LAMA2: variants seen among roughly 807,000 people sequenced by gnomAD.
LAMA2 encodes the protein laminin subunit alpha-2.
A neutral mutation model predicts 364.8 loss-of-function variants in LAMA2; 269 were observed. The observed-to-expected ratio is 0.74, with a 90% CI of 0.67 to 0.82. LAMA2 has a LOEUF of 0.82. Among genes scored for constraint, LAMA2 ranks in the 40% least tolerant of loss-of-function variants. The pLI is 0.00. For missense variants in LAMA2, 3,807 were observed against 3,873.2 expected (o/e 0.98, Z 0.45); for synonymous variants, 1,379 against 1,370.6 (o/e 1.01, Z -0.14).
chr6:129,256,341 G>A (rs752322528), intron 14 of LAMA2, among the ~76,000 whole-genome samples: 1 of 152,094 alleles, frequency 6.6e-6, no homozygotes, highest in African/African-American at 2.4e-5. Flanking sequence ...TAAATGAAAT[G>A]TCTTTCCAGC....
In LAMA2 at chr6:129,185,065, A is replaced by G. The variant is rs548398452; in HGVS notation, c.1468-5140A>G. Among the ~76,000 whole-genome samples, 6 of 152,054 alleles carry G rather than the reference A, an allele frequency of 3.9e-5. No individual in the cohort carries two copies. The South Asian group carries it at 6.2e-4, about 16-fold the overall frequency. ...AACAGAAGAAAACCTGTAATTAACT[A>G]CAAACTACCAAAAAACCAAGCATGA... is the stretch of plus-strand genomic sequence containing the variant. On this transcript the variant is annotated intron_variant, in intron 10 of 64. Transcript: ENST00000421865.
intron 4 of LAMA2, among the ~76,000 whole-genome samples, chr6:129,110,099 C>G (rs1308267642): frequency 7.0e-6 from 1 of 142,174 alleles, no homozygotes; most frequent in African/African-American, 2.8e-5. Context: ...AATATGCTAG[C>G]ACCTTATTGC....
intron 9 of LAMA2, 101 bp from the exon 10 acceptor site, chr6:129,177,605 T>C (rs1487426850): frequency 8.5e-7 from 1 of 1,177,582 alleles, no homozygotes; most frequent in Non-Finnish European, 1.2e-6. Flanking sequence ...AATCTATTTT[T>C]GTGTCAAAAT....
chr6:129,172,736 T>G (rs544905031), intron 9 of LAMA2, among the ~76,000 whole-genome samples: 16 of 152,168 alleles, frequency 1.1e-4, no homozygotes, highest in East Asian at 1.9e-4. Flanking sequence ...GTTTACCTAA[T>G]CAAGCCTGGG....
chr6:129,037,843 G>A (rs1786769944), intron 1 of LAMA2, among the ~76,000 whole-genome samples: 1 of 151,864 alleles, frequency 6.6e-6, no homozygotes, highest in Non-Finnish European at 1.5e-5. Flanking sequence ...CTAATTTTTT[G>A]TATTTTTAGT....
chr6:129,480,774 G>GTCT (rs1369044803), intron 54 of LAMA2, among the ~76,000 whole-genome samples: 1 of 152,072 alleles, frequency 6.6e-6, no homozygotes, highest in East Asian at 1.9e-4. Context: ...TTAAGGTTTG[G>GTCT]TCTTATCACT....
In LAMA2 at chr6:129,157,791, C is replaced by G. The variant is rs1779205202; in HGVS notation, c.1206+3108C>G. The stretch of plus-strand genomic sequence containing the variant: ...GTCTTCCACGATCCCTCCTGTGATA[C>G]AACGACGAGCCATCTCCCAAATGAT... On this transcript the variant is annotated intron_variant, in intron 8 of 64. Transcript: ENST00000421865. 13 of 1,613,332 alleles carry G rather than the reference C, an allele frequency of 8.1e-6. No individual in the cohort carries two copies. In the Admixed American group the frequency reaches 2.2e-4, roughly 27 times the overall value.
intron 1 of LAMA2, among the ~76,000 whole-genome samples, chr6:129,033,372 C>T (rs779133786): frequency 4.6e-5 from 7 of 152,036 alleles, no homozygotes; most frequent in Non-Finnish European, 1.0e-4. Context: ...TCCTTAAGGA[C>T]CAGGGAGGGC....
chr6:129,392,358 G>T (rs1291249402), intron 36 of LAMA2, among the ~76,000 whole-genome samples: 2 of 152,116 alleles, frequency 1.3e-5, no homozygotes, highest in Admixed American at 6.5e-5. Flanking sequence ...TAAAAATACA[G>T]ATTGTCAGAC....
intron 4 of LAMA2, among the ~76,000 whole-genome samples, chr6:129,101,681 A>G (rs538544842): frequency 4.8e-4 from 73 of 152,342 alleles, no homozygotes; most frequent in African/African-American, 1.7e-3. Flanking sequence ...CAGTAGCCAC[A>G]TGGGACTAGC....
In LAMA2 at chr6:129,507,657, T is replaced by C. The variant is rs1731176525; in HGVS notation, c.8857+15T>C. The C allele has an allele frequency of 6.2e-7, 1 of 1,613,434 alleles. No individual in the cohort carries two copies. The highest frequency in any genetic ancestry group is 2.2e-5 in the East Asian group (1 of 44,886). ...TGCCAAAGCAGGTAAGGCTCTTTCA[T>C]TTCCTTCCTGTTGATTATTAACTAG... On this transcript the variant is annotated intron_variant, in intron 62 of 64. Transcript: ENST00000421865.
intron 56 of LAMA2, chr6:129,491,110 C>T (rs1321964763): frequency 1.3e-5 from 2 of 152,196 alleles, no homozygotes; most frequent in African/African-American, 2.4e-5. Flanking sequence ...TCATGATCCC[C>T]AGGCTAGTGA....
chr6:129,027,494 A>G (rs1785906469), intron 1 of LAMA2, among the ~76,000 whole-genome samples: 1 of 152,040 alleles, frequency 6.6e-6, no homozygotes, highest in African/African-American at 2.4e-5. Context: ...TGTGCTAGAC[A>G]TTCTGAAGAT....
chr6:129,091,749 T>C (rs1468635024), intron 3 of LAMA2, among the ~76,000 whole-genome samples: 1 of 152,188 alleles, frequency 6.6e-6, no homozygotes, highest in East Asian at 1.9e-4. Flanking sequence ...AATGTAAACT[T>C]ATAAGGGGAC....
At chr6:129,261,581 A>G (rs1787139251) in intron 15 of LAMA2, among the ~76,000 whole-genome samples, 1 of 152,146 alleles carries the variant, frequency 6.6e-6, no homozygotes, top group Non-Finnish European at 1.5e-5. Flanking sequence ...CTAGCAGATA[A>G]ATAGGAGCTT....
At chr6:128,978,360 T>TC (rs1782661288) in intron 1 of LAMA2, among the ~76,000 whole-genome samples, 1 of 151,662 alleles carries the variant, frequency 6.6e-6, no homozygotes, top group Admixed American at 6.6e-5. Flanking sequence ...TTTTTTTTTT[T>TC]TTTTTTTGAG....
Position 129,460,206 on chromosome 6 carries a change from G to A in LAMA2, c.6874G>A (p.Asp2292Asn). 1 of 1,612,012 alleles carries A rather than the reference G, an allele frequency of 6.2e-7. No individual in the cohort carries two copies. The highest frequency in any genetic ancestry group is 8.5e-7 in the Non-Finnish European group (1 of 1,178,538). The change falls in exon 49 of 65, where the codon GAT (aspartate) becomes AAT (asparagine). Residue 2292 changes from aspartate to asparagine, a missense_variant. Asp to Asn is a conservative substitution (Grantham distance 23). This residue lies in a region of LAMA2 where 3,333 missense variants were observed against 3,345.7 expected (regional missense o/e 1.00). Coordinates refer to ENST00000421865, the MANE Select transcript of LAMA2 (RefSeq NM_000426.4). Reference protein sequence around the residue: ...GGLTGKLKKADAVRVITFTGC... With the variant: ...GGLTGKLKKANAVRVITFTGC... ...ACGGTATTTCTTTCTGCAGAAGGCTGATGCTGTACGTGTGATTACATTCAC... is the reference window on the plus strand; with the variant it reads ...ACGGTATTTCTTTCTGCAGAAGGCTAATGCTGTACGTGTGATTACATTCAC...
intron 2 of LAMA2, among the ~76,000 whole-genome samples, chr6:129,056,237 G>A (rs951012772): frequency 2.0e-5 from 3 of 152,242 alleles, no homozygotes; most frequent in East Asian, 1.9e-4. Context: ...TTTCATTTAT[G>A]GTTTTGATTC....
intron 48 of LAMA2, among the ~76,000 whole-genome samples, chr6:129,458,643 A>G (rs771466032): frequency 2.6e-5 from 4 of 151,948 alleles, no homozygotes; most frequent in Non-Finnish European, 4.4e-5. Context: ...GACGACTCCA[A>G]TGTGCAAGTC....
Sources: allele counts gnomAD v4.1 joint callset (sites outside exome capture counted in the v4.1 genomes callset), GRCh38; gene constraint gnomAD v4.1.1; regional missense constraint gnomAD v4.1.1; transcripts MANE v1.5; gene names NCBI Gene and HGNC (gene_info 2026-07-23, HGNC 2026-07-21).